The following ARHGEF28 variants were observed in gnomAD, a reference collection of about 807,000 sequenced individuals.
ARHGEF28 encodes Rho guanine nucleotide exchange factor 28.
Under a neutral mutation model 206.6 loss-of-function variants are expected in ARHGEF28, and 152 were observed. The ratio of observed to expected loss-of-function variants is 0.74; its 90% CI spans 0.64 to 0.84. ARHGEF28 has a LOEUF of 0.84. ARHGEF28 is among the 40% of genes least tolerant of loss of function. ARHGEF28 has a pLI of 0.00. For synonymous variants in ARHGEF28, 763 were observed against 776.4 expected (o/e 0.98, Z 0.29); for missense variants, 2,028 against 2,073.2 (o/e 0.98, Z 0.42).
chr5:73,880,430 C>T (rs947860855), intron 22 of ARHGEF28, among the ~76,000 whole-genome samples: 1 of 152,150 alleles, frequency 6.6e-6, no homozygotes, highest in African/African-American at 2.4e-5. Context: ...GTGTGCTGCA[C>T]CCACTGTCCT....
At chr5:73,861,206 G>A (rs1289826908) in intron 16 of ARHGEF28, among the ~76,000 whole-genome samples, 1 of 152,172 alleles carries the variant, frequency 6.6e-6, no homozygotes, top group Admixed American at 6.5e-5. Context: ...TAAAGCCTAG[G>A]GAGCCAGGGC....
intron 13 of ARHGEF28, among the ~76,000 whole-genome samples, chr5:73,851,003 T>G (rs1255366736): frequency 2.0e-5 from 3 of 152,192 alleles, no homozygotes; most frequent in Non-Finnish European, 4.4e-5. Flanking sequence ...TGATACCATT[T>G]AGGTCAGTCA....
chr5:73,884,808 TA>T (rs1761160417), intron 24 of ARHGEF28, among the ~76,000 whole-genome samples: 1 of 152,214 alleles, frequency 6.6e-6, no homozygotes, highest in African/African-American at 2.4e-5. Flanking sequence ...TCCTTCAGAG[TA>T]TTTTCATAAG....
In ARHGEF28 at chr5:73,818,157, G is replaced by A. The variant is rs138146005; in HGVS notation, c.1025-14181G>A. On this transcript the variant is annotated intron_variant, in intron 9 of 35. Transcript: ENST00000513042. The stretch of plus-strand genomic sequence containing the variant: ...CCTGGAAAGTTTACAGGTTTGTCCC[G>A]GACAAAAAGATACAGTTAGAGAGAT... Among the ~76,000 whole-genome samples the A allele has an allele frequency of 9.2e-4, 140 of 152,062 alleles. 1 individual carries two copies. The highest frequency in any genetic ancestry group is 3.2e-3 in the African/African-American group (131 of 41,474).
intron 21 of ARHGEF28, among the ~76,000 whole-genome samples, chr5:73,870,419 G>A (rs1467706574): frequency 2.0e-5 from 3 of 152,058 alleles, no homozygotes; most frequent in Non-Finnish European, 4.4e-5. Flanking sequence ...AACCACAATC[G>A]GTTTTGCAAT....
At chr5:73,922,066 TTC>T (rs1763550015) in intron 35 of ARHGEF28, among the ~76,000 whole-genome samples, 1 of 152,212 alleles carries the variant, frequency 6.6e-6, no homozygotes, top group Admixed American at 6.5e-5. Context: ...TGATTTTATG[TTC>T]TGTTTTCTAA....
intron 2 of ARHGEF28, among the ~76,000 whole-genome samples, chr5:73,716,335 A>C (rs1314218936): frequency 1.3e-5 from 2 of 152,196 alleles, no homozygotes; most frequent in Non-Finnish European, 2.9e-5. Context: ...GAGACATTCT[A>C]TTCTTTTTAT....
chr5:73,893,167 G>A (rs773548262), intron 27 of ARHGEF28, 30 bp from the exon 28 acceptor site: 76 of 1,507,508 alleles, frequency 5.0e-5, no homozygotes, highest in Middle Eastern at 1.7e-4. Flanking sequence ...TTTGGTTTCA[G>A]TTGTGTCTCT....
intron 7 of ARHGEF28, among the ~76,000 whole-genome samples, chr5:73,792,121 A>G (rs1036762089): frequency 1.3e-5 from 2 of 152,228 alleles, no homozygotes; most frequent in Non-Finnish European, 1.5e-5. Flanking sequence ...ATTATCTGGA[A>G]TCAGCACAGT....
chr5:73,719,770 G>C (rs1749820342), intron 2 of ARHGEF28, among the ~76,000 whole-genome samples: 1 of 152,258 alleles, frequency 6.6e-6, no homozygotes, highest in Non-Finnish European at 1.5e-5. Context: ...ACTGTAGTAT[G>C]TAAATATGCG....
chr5:73,676,240 T>TA (rs976069340), intron 1 of ARHGEF28, among the ~76,000 whole-genome samples: 2 of 94,466 alleles, frequency 2.1e-5, no homozygotes, highest in African/African-American at 6.4e-5. Flanking sequence ...CCAGCTAATG[T>TA]TTTTTTTTTT....
At chr5:73,693,334 C>G (rs963595189) in intron 2 of ARHGEF28, among the ~76,000 whole-genome samples, 3 of 152,116 alleles carry the variant, frequency 2.0e-5, no homozygotes, top group African/African-American at 7.2e-5. Flanking sequence ...CCTTCATGGA[C>G]CTTAAATTAA....
intron 3 of ARHGEF28, among the ~76,000 whole-genome samples, chr5:73,750,885 C>T (rs1415804974): frequency 6.6e-6 from 1 of 151,878 alleles, no homozygotes; most frequent in South Asian, 2.1e-4. Flanking sequence ...GGAGCTTGTC[C>T]CTACCTGCTT....
intron 29 of ARHGEF28, among the ~76,000 whole-genome samples, chr5:73,897,749 TCA>T (rs753876007): frequency 3.3e-4 from 50 of 152,360 alleles, no homozygotes; most frequent in Non-Finnish European, 6.0e-4. Context: ...GTTTTGTAAA[TCA>T]CACAGTCTCT....
At chr5:73,754,425 T>C (rs1752192693) in intron 4 of ARHGEF28, among the ~76,000 whole-genome samples, 1 of 152,026 alleles carries the variant, frequency 6.6e-6, no homozygotes, top group Non-Finnish European at 1.5e-5. Context: ...TCCTGTGTGG[T>C]GGCTAATTGA....
Position 73,846,249 on chromosome 5 carries a change from T to G in ARHGEF28, c.1428-19T>G, listed in dbSNP as rs1376111520. On this transcript the variant is annotated intron_variant, in intron 11 of 35. Coordinates refer to ENST00000513042, the MANE Select transcript of ARHGEF28 (RefSeq NM_001177693.2). ...GTCCTTCCTTGCTTCTTTACTTACT[T>G]GCTGGCTTTGTGCTTTAGTTCTAGC... 1.2e-6 allele frequency: 2 copies of G among 1,610,652 alleles called. No homozygotes were observed. The highest frequency in any genetic ancestry group is 1.7e-6 in the Non-Finnish European group (2 of 1,178,322).
chr5:73,628,091 C>CTT (rs370617302), intron 1 of ARHGEF28, among the ~76,000 whole-genome samples: 1 of 146,852 alleles, frequency 6.8e-6, no homozygotes, highest in African/African-American at 2.5e-5. Flanking sequence ...GGGTTTCATA[C>CTT]TTTTTTTTTT....
At chr5:73,923,345 T>C (rs1763625726) in intron 35 of ARHGEF28, among the ~76,000 whole-genome samples, 1 of 152,202 alleles carries the variant, frequency 6.6e-6, no homozygotes, top group South Asian at 2.1e-4. Context: ...GAGCTGGCTA[T>C]GAGTCCGTTA....
chr5:73,855,485 A>C (rs1349357145), intron 14 of ARHGEF28, among the ~76,000 whole-genome samples: 1 of 152,182 alleles, frequency 6.6e-6, no homozygotes, highest in Non-Finnish European at 1.5e-5. Context: ...TAATCCCAGC[A>C]CTTTGGGAGG....
Sources: gnomAD v4.1 joint callset for allele counts (sites outside exome capture counted in the v4.1 genomes callset) on GRCh38, gnomAD v4.1.1 for gene constraint, MANE v1.5 for transcripts, NCBI Gene and HGNC (gene_info 2026-07-23, HGNC 2026-07-21) for gene names.